PTPRD: variants seen among roughly 807,000 people sequenced by gnomAD.
The protein encoded by PTPRD is receptor-type tyrosine-protein phosphatase delta.
A neutral mutation model predicts 214.5 loss-of-function variants in PTPRD; 34 were observed. That is an observed-to-expected ratio of 0.16 (90% confidence interval 0.12 to 0.21). The LOEUF (loss-of-function observed/expected upper bound fraction) is 0.21. Among genes scored for constraint, PTPRD ranks in the 10% least tolerant of loss-of-function variants. PTPRD has a pLI of 1.00. For missense variants in PTPRD, 2,545 were observed against 2,398.7 expected (o/e 1.06, Z -1.27); for synonymous variants, 1,128 against 845.7 (o/e 1.33, Z -5.79).
intron 11 of PTPRD, among the ~76,000 whole-genome samples, chr9:8,953,701 A>T (rs147602556): frequency 1.3e-5 from 2 of 152,236 alleles, no homozygotes; most frequent in African/African-American, 4.8e-5. Context: ...ATGAACAGAC[A>T]CTTCTTAACA....
At chr9:8,691,508 C>T (rs1026532267) in intron 12 of PTPRD, among the ~76,000 whole-genome samples, 1 of 151,852 alleles carries the variant, frequency 6.6e-6, no homozygotes, top group East Asian at 1.9e-4. Flanking sequence ...ATGAACAAAC[C>T]TCTCCTGGTT....
chr9:9,364,288 C>G (rs1421354350), intron 9 of PTPRD, among the ~76,000 whole-genome samples: 1 of 151,394 alleles, frequency 6.6e-6, no homozygotes, highest in Non-Finnish European at 1.5e-5. Context: ...GTTCTATACC[C>G]TGGATTACAG....
At chr9:9,654,366 A>T (rs2096456400) in intron 7 of PTPRD, among the ~76,000 whole-genome samples, 1 of 152,136 alleles carries the variant, frequency 6.6e-6, no homozygotes, top group African/African-American at 2.4e-5. Context: ...AGCATTATGT[A>T]AATTATATTT....
chr9:10,396,367 A>C lies in PTPRD; in HGVS notation c.-599-55350T>G, dbSNP rs907600833. On this transcript the variant is annotated intron_variant, in intron 2 of 45. Coordinates refer to ENST00000381196, the MANE Select transcript of PTPRD (RefSeq NM_002839.4). Reference sequence around the variant, plus strand: ...GGTAGCCTGCGGGAGCTGGCTTGGCAATAGACCATGTAATTCTTCAGGATC... The same window carrying C: ...GGTAGCCTGCGGGAGCTGGCTTGGCCATAGACCATGTAATTCTTCAGGATC... Among the ~76,000 whole-genome samples, 3 of 152,084 alleles carry C rather than the reference A, an allele frequency of 2.0e-5. No individual in the cohort carries two copies. In the East Asian group the frequency reaches 5.9e-4, roughly 30 times the overall value.
chr9:8,927,799 G>A (rs1333005620), intron 11 of PTPRD, among the ~76,000 whole-genome samples: 4 of 152,136 alleles, frequency 2.6e-5, no homozygotes, highest in Non-Finnish European at 5.9e-5. Context: ...TTCCACAATG[G>A]TTGAACTAAT....
chr9:10,033,790 C>T lies in PTPRD; in HGVS notation c.-544G>A, dbSNP rs1440936661. ...AAAGTATCAGACTCCTCAAGATTTC[C>T]CTGAAAGGAAAAGTGAGAGATCGCT... On this transcript the variant is annotated splice_region_variant and 5_prime_UTR_variant, in exon 4 of 46. Transcript: ENST00000381196. 6.6e-6 allele frequency: 1 copy of T among 151,980 alleles called. No individual in the cohort carries two copies. Among genetic ancestry groups the T allele is most frequent in the African/African-American group, 2.4e-5 (1 of 41,386 alleles). 9.4% of individuals were successfully genotyped at this position (151,980 alleles called of 1,614,324 possible).
intron 9 of PTPRD, among the ~76,000 whole-genome samples, chr9:9,342,352 A>G (rs1396976223): frequency 6.6e-6 from 1 of 152,178 alleles, no homozygotes; most frequent in African/African-American, 2.4e-5. Context: ...AAGATGGGGA[A>G]AATAAATTTG....
chr9:10,098,362 A>T (rs1298046395), intron 3 of PTPRD, among the ~76,000 whole-genome samples: 1 of 117,976 alleles, frequency 8.5e-6, no homozygotes, highest in Non-Finnish European at 1.7e-5. Context: ...GGGAGGGGGG[A>T]GGGATAGCAT....
chr9:9,768,454 A>G (rs1315513234), intron 5 of PTPRD, among the ~76,000 whole-genome samples: 2 of 152,128 alleles, frequency 1.3e-5, no homozygotes, highest in East Asian at 3.8e-4. Flanking sequence ...CAGTGTAAAA[A>G]CCTTAGCTTA....
At chr9:9,685,810 T>A (rs902685476) in intron 7 of PTPRD, among the ~76,000 whole-genome samples, 7 of 151,434 alleles carry the variant, frequency 4.6e-5, no homozygotes, top group Non-Finnish European at 8.9e-5. Flanking sequence ...ATTCTATTTC[T>A]TTTTTAGTAC....
intron 12 of PTPRD, among the ~76,000 whole-genome samples, chr9:8,691,626 C>T (rs1487754319): frequency 6.6e-6 from 1 of 152,088 alleles, no homozygotes; most frequent in Non-Finnish European, 1.5e-5. Flanking sequence ...CTTATTGGTA[C>T]AAACAGCATT....
intron 3 of PTPRD, among the ~76,000 whole-genome samples, chr9:10,088,530 T>C (rs1159948926): frequency 1.3e-5 from 2 of 151,708 alleles, no homozygotes; most frequent in Non-Finnish European, 1.5e-5. Context: ...AGTTTATTAG[T>C]CTCTTTTCTG....
chr9:9,474,715 A>G (rs1331132915), intron 8 of PTPRD, among the ~76,000 whole-genome samples: 1 of 151,848 alleles, frequency 6.6e-6, no homozygotes, highest in African/African-American at 2.4e-5. Flanking sequence ...TGAGATTACT[A>G]TCTTGATTTC....
chr9:9,840,944 T>C (rs570938607), intron 5 of PTPRD, among the ~76,000 whole-genome samples: 1 of 152,168 alleles, frequency 6.6e-6, no homozygotes, highest in South Asian at 2.1e-4. Flanking sequence ...TAAATAGAGA[T>C]GGACAATAAA....
chr9:10,574,779 A>T (rs1331304584), intron 2 of PTPRD, among the ~76,000 whole-genome samples: 1 of 138,660 alleles, frequency 7.2e-6, no homozygotes, highest in Admixed American at 7.3e-5. Flanking sequence ...GTGTGTGTAT[A>T]TATATACACA....
chr9:10,041,402 T>G (rs1457400553), intron 3 of PTPRD, among the ~76,000 whole-genome samples: 3 of 152,008 alleles, frequency 2.0e-5, no homozygotes, highest in Non-Finnish European at 4.4e-5. Context: ...CTTTTAGATC[T>G]TATTTACAGA....
At chr9:9,279,726 C>T (rs1275200228) in intron 9 of PTPRD, among the ~76,000 whole-genome samples, 2 of 150,816 alleles carry the variant, frequency 1.3e-5, no homozygotes, top group Admixed American at 1.3e-4. Flanking sequence ...TCTCCATTTG[C>T]CTTCTATCTA....
At chr9:9,977,376 A>G (rs1340668282) in intron 4 of PTPRD, among the ~76,000 whole-genome samples, 1 of 152,186 alleles carries the variant, frequency 6.6e-6, no homozygotes, top group African/African-American at 2.4e-5. Flanking sequence ...ATAATGTGAG[A>G]TTTCAAACAT....
intron 11 of PTPRD, among the ~76,000 whole-genome samples, chr9:8,909,946 G>C (rs983152450): frequency 7.3e-5 from 11 of 151,420 alleles, no homozygotes; most frequent in African/African-American, 2.7e-4. Context: ...CTGGCATGTA[G>C]AACATCTTAG....
Sources: allele counts gnomAD v4.1 joint callset (sites outside exome capture counted in the v4.1 genomes callset), GRCh38; gene constraint gnomAD v4.1.1; transcripts MANE v1.5; gene names NCBI Gene and HGNC (gene_info 2026-07-23, HGNC 2026-07-21).